MRPL39: variants seen among roughly 807,000 people sequenced by gnomAD.
MRPL39 encodes large ribosomal subunit protein mL39.
A neutral mutation model predicts 44.5 loss-of-function variants in MRPL39; 35 were observed. The observed-to-expected ratio is 0.79, with a 90% CI of 0.60 to 1.04. The LOEUF is 1.04. Among genes scored for constraint, MRPL39 ranks in the 50% least tolerant of loss-of-function variants. MRPL39 has a pLI of 0.00. For synonymous variants in MRPL39, 139 were observed against 136.1 expected, an observed-to-expected ratio of 1.02 and a Z score of -0.15; for missense variants, 433 against 413.5, an observed-to-expected ratio of 1.05 and a Z score of -0.41.
intron 8 of MRPL39, among the ~76,000 whole-genome samples, chr21:25,592,359 CTA>C (rs1271381972): frequency 6.6e-6 from 1 of 152,072 alleles, no homozygotes; most frequent in Admixed American, 6.5e-5. Context: ...TGGGATCTCT[CTA>C]TGTCTTATAA....
chr21:25,599,019 T>C (rs1601378734), intron 5 of MRPL39, among the ~76,000 whole-genome samples: 1 of 152,200 alleles, frequency 6.6e-6, no homozygotes, highest in African/African-American at 2.4e-5. Flanking sequence ...AGACTCCCAA[T>C]ACATAGGACA....
intron 8 of MRPL39, among the ~76,000 whole-genome samples, chr21:25,592,049 A>G (rs565614581): frequency 6.6e-6 from 1 of 152,232 alleles, no homozygotes; most frequent in Non-Finnish European, 1.5e-5. Context: ...ATACTGAGTG[A>G]AAAGTGCCAA....
At chr21:25,593,192 G>A (rs576313629) in intron 7 of MRPL39, among the ~76,000 whole-genome samples, 2 of 152,218 alleles carry the variant, frequency 1.3e-5, no homozygotes, top group South Asian at 4.1e-4. Flanking sequence ...ATTGATATAG[G>A]TTTTAAGGTC....
chr21:25,594,900 C>T (rs971942352), intron 6 of MRPL39, among the ~76,000 whole-genome samples: 5 of 152,202 alleles, frequency 3.3e-5, no homozygotes, highest in Non-Finnish European at 7.3e-5. Context: ...TGTCTTAGTA[C>T]GATACCACCA....
intron 5 of MRPL39, among the ~76,000 whole-genome samples, chr21:25,599,325 G>C (rs564386962): frequency 6.6e-6 from 1 of 152,144 alleles, no homozygotes; most frequent in Non-Finnish European, 1.5e-5. Flanking sequence ...TGTGACCCTT[G>C]TATATACAGG....
intron 2 of MRPL39, among the ~76,000 whole-genome samples, chr21:25,604,437 T>C (rs2031608405): frequency 6.6e-6 from 1 of 152,156 alleles, no homozygotes; most frequent in African/African-American, 2.4e-5. Flanking sequence ...CATGGATACA[T>C]TTGGATAGAT....
chr21:25,592,798 T>C lies in MRPL39; in HGVS notation c.921+14A>G. On this transcript the variant is annotated intron_variant, in intron 8 of 9. Transcript: ENST00000352957. Reference sequence around the variant, plus strand: ...ACCCAAATTGGAAGACCTAGAACTTTAAGCTTTACTTACTCTTAAGTGAAC... The same window carrying C: ...ACCCAAATTGGAAGACCTAGAACTTCAAGCTTTACTTACTCTTAAGTGAAC... 1 of 1,574,224 alleles carries C rather than the reference T, an allele frequency of 6.4e-7. No homozygotes were observed. Among genetic ancestry groups the C allele is most frequent in the Non-Finnish European group, 8.7e-7 (1 of 1,154,256 alleles).
At chr21:25,599,238 T>C (rs996849320) in intron 5 of MRPL39, among the ~76,000 whole-genome samples, 1 of 135,654 alleles carries the variant, frequency 7.4e-6, no homozygotes, top group Non-Finnish European at 1.6e-5. Context: ...AAGAGTTTAG[T>C]TTGTTAATAT....
chr21:25,606,412 A>T (rs371927746), intron 2 of MRPL39, 37 bp downstream of exon 2: 6 of 1,512,170 alleles, frequency 4.0e-6, no homozygotes, highest in Non-Finnish European at 5.4e-6. Context: ...CAGCTTAAGT[A>T]AAAGGGTCAA....
chr21:25,597,459 G>T, intron 5 of MRPL39, 45 bp from the exon 6 acceptor site: 1 of 1,129,986 alleles, frequency 8.8e-7, no homozygotes, highest in Non-Finnish European at 1.3e-6. Context: ...TCACTGAAAA[G>T]CATTTCTCCA....
Position 25,585,852 on chromosome 21 carries a change from C to G in MRPL39, c.970-98G>C, listed in dbSNP as rs1029963396. The G allele has an allele frequency of 7.6e-6, 6 of 789,872 alleles. No homozygotes were observed. In the African/African-American group the frequency reaches 1.1e-4, roughly 14 times the overall value. The allele number at this position is 789,872 out of a possible 1,614,324, so 48.9% of individuals were successfully genotyped here. A position where few individuals can be genotyped will look rare whatever the true frequency, so the allele number is the denominator to read the frequency against. On this transcript the variant is annotated intron_variant, in intron 9 of 9. Coordinates refer to ENST00000352957, the MANE Select transcript of MRPL39 (RefSeq NM_017446.4). ...CATTCCACAGCCCTCTTATAATGAC[C>G]CTTTATCTTTCCCCTTAAATAGTAG...
intron 5 of MRPL39, among the ~76,000 whole-genome samples, chr21:25,598,608 C>T (rs1273005090): frequency 6.6e-6 from 1 of 152,084 alleles, no homozygotes; most frequent in Non-Finnish European, 1.5e-5. Context: ...GCCCAGAGGT[C>T]ATGAAGAAAC....
chr21:25,598,856 GAAAAA>G (rs57011739), intron 5 of MRPL39, among the ~76,000 whole-genome samples: 2 of 136,638 alleles, frequency 1.5e-5, no homozygotes, highest in Non-Finnish European at 3.1e-5. Context: ...TTACTAAGGG[GAAAAA>G]AAAAAAAAAA....
chr21:25,607,387 G>T lies in MRPL39; in HGVS notation c.73+16C>A. On this transcript the variant is annotated intron_variant, in intron 1 of 9. Transcript: ENST00000352957. ...TCTAGGCCTCGCTCCCTGTCCCTAC[G>T]GCCTCTGAAACTCACTCCATTTGAT... The T allele has an allele frequency of 6.2e-7, 1 of 1,613,698 alleles. No homozygotes were observed. The highest frequency in any genetic ancestry group is 1.3e-5 in the African/African-American group (1 of 75,026).
At chr21:25,607,608 C>G (rs1015359191), upstream of MRPL39, 9 of 860,128 alleles carry the variant, frequency 1.0e-5, no homozygotes, top group African/African-American at 1.5e-4. Flanking sequence ...CACCGGGGGG[C>G]GTCAGGCCTC....
rs756220699 is a variant in MRPL39, at chr21:25,587,692, A to G, written c.969+1143T>C. 5 of 1,572,592 alleles carry G rather than the reference A, an allele frequency of 3.2e-6. No homozygotes were observed. The Admixed American group carries it at 5.0e-5, about 16-fold the overall frequency. ...AAACTTATATGAATAATTATTTGTT[A>G]GAGATTACTCTGAGACTGTTCCATG... On this transcript the variant is annotated intron_variant, in intron 9 of 9. Transcript: ENST00000352957.
intron 3 of MRPL39, 72 bp downstream of exon 3, chr21:25,603,724 C>T: frequency 1.4e-6 from 2 of 1,434,300 alleles, no homozygotes; most frequent in Non-Finnish European, 1.9e-6. Flanking sequence ...CATTACACCC[C>T]ATAGAAAACA....
At chr21:25,588,776 G>A in intron 9 of MRPL39, 59 bp downstream of exon 9, 4 of 1,461,782 alleles carry the variant, frequency 2.7e-6, no homozygotes, top group Admixed American at 3.9e-5. Context: ...GGTTGTTATT[G>A]GTTAATTTTG....
intron 9 of MRPL39, chr21:25,587,691 T>G: frequency 6.4e-7 from 1 of 1,573,860 alleles, no homozygotes; most frequent in Non-Finnish European, 8.7e-7. Context: ...AATTATTTGT[T>G]AGAGATTACT....
Sources: gnomAD v4.1 joint callset for allele counts (sites outside exome capture counted in the v4.1 genomes callset) on GRCh38, gnomAD v4.1.1 for gene constraint, MANE v1.5 for transcripts, NCBI Gene and HGNC (gene_info 2026-07-23, HGNC 2026-07-21) for gene names.